Variants in TATDN2 observed in about 807,000 individuals in gnomAD.
TATDN2 encodes the protein 3'-5' RNA nuclease TATDN2.
In TATDN2, 44 loss-of-function variants were observed where a neutral mutation model predicts 60.3. That is an observed-to-expected ratio of 0.73 (90% CI 0.57 to 0.94). TATDN2 has a LOEUF of 0.94. Among genes scored for constraint, TATDN2 ranks in the 40% least tolerant of loss-of-function variants. The pLI is 0.00. For synonymous variants in TATDN2, 399 were observed against 355.8 expected (o/e 1.12, Z -1.37); for missense variants, 997 against 948.0 (o/e 1.05, Z -0.68).
intron 7 of TATDN2, 74 bp from the exon 8 acceptor site, chr3:10,279,147 G>C: frequency 7.7e-7 from 1 of 1,304,912 alleles, no homozygotes; most frequent in Non-Finnish European, 1.0e-6. Flanking sequence ...TATAAACATA[G>C]TATGAGCATT....
intron 5 of TATDN2, among the ~76,000 whole-genome samples, chr3:10,277,484 C>T (rs115313152): frequency 0.028 from 4,193 of 152,122 alleles, 100 homozygotes; most frequent in Non-Finnish European, 0.043. Context: ...GATGCCTGGC[C>T]GGCTCCTTAA....
At chr3:10,250,049 T>C (rs1289613059) in intron 2 of TATDN2, among the ~76,000 whole-genome samples, 1 of 152,156 alleles carries the variant, frequency 6.6e-6, no homozygotes, top group African/African-American at 2.4e-5. Flanking sequence ...GTTTAAAGAA[T>C]TGTGTGCCCT....
chr3:10,264,178 T>C (rs1311064066), intron 3 of TATDN2, among the ~76,000 whole-genome samples: 1 of 152,162 alleles, frequency 6.6e-6, no homozygotes, highest in Non-Finnish European at 1.5e-5. Context: ...GAAACCAGAT[T>C]TCACCCTGTC....
chr3:10,256,849 G>A (rs575675209), intron 2 of TATDN2, among the ~76,000 whole-genome samples: 4 of 151,898 alleles, frequency 2.6e-5, no homozygotes, highest in Admixed American at 6.6e-5. Context: ...GGCAAGCAGA[G>A]GAGATAAGAT....
intron 4 of TATDN2, among the ~76,000 whole-genome samples, chr3:10,272,726 T>C (rs1698584361): frequency 7.1e-6 from 1 of 141,602 alleles, no homozygotes; most frequent in African/African-American, 2.7e-5. Flanking sequence ...CCCGTCTCTA[T>C]TAAAAATACA....
At chr3:10,253,149 G>A (rs1006125741) in intron 2 of TATDN2, among the ~76,000 whole-genome samples, 1 of 151,212 alleles carries the variant, frequency 6.6e-6, no homozygotes, top group African/African-American at 2.4e-5. Context: ...GAACCACCGC[G>A]CCTGGCCTGC....
Position 10,270,304 on chromosome 3 carries a change from G to T in TATDN2, c.1122G>T (p.Leu374Phe). The part of the protein sequence containing the change: ...TTDYVMYPPH[L>F]YSSPWCDYAS... ...ACTATGTCATGTACCCTCCTCATTT[G>T]TACAGTAGTCCTTGGTGTGACTACG... Residue 374 changes from leucine to phenylalanine, a missense_variant, in exon 4 of 8, where the codon TTG (leucine) becomes TTT (phenylalanine). By Grantham distance (22) the Leu-to-Phe change is conservative. Transcript: ENST00000448281. 6.2e-7 allele frequency: 1 copy of T among 1,614,156 alleles called. No individual in the cohort carries two copies. Among genetic ancestry groups the T allele is most frequent in the Non-Finnish European group, 8.5e-7 (1 of 1,180,036 alleles).
At chr3:10,275,117 C>A (rs920176557) in intron 4 of TATDN2, among the ~76,000 whole-genome samples, 1 of 151,726 alleles carries the variant, frequency 6.6e-6, no homozygotes, top group African/African-American at 2.4e-5. Context: ...ACCCAAGTAG[C>A]TGGGATTATA....
At chr3:10,263,384 C>T (rs1332081455) in intron 3 of TATDN2, among the ~76,000 whole-genome samples, 3 of 152,070 alleles carry the variant, frequency 2.0e-5, no homozygotes, top group African/African-American at 7.2e-5. Context: ...TGTTTTCTTT[C>T]CGTATTTTTC....
At position 10,249,485 on chromosome 3, in the gene TATDN2, G is replaced by C. The variant is rs778357821; in HGVS notation, c.285G>C (p.Gly95=). The change falls in exon 2 of 8, where the codon GGG becomes GGC. Residue 95 remains glycine, a synonymous_variant. Transcript: ENST00000448281. ...ATTTCTTGGGCCCTGGTGTGGGCGG[G>C]GCCGCCTCCAAAGGCTGCCTGATTC... ...SPHFLGPGVG[G]AASKGCLIRN... is the part of the protein sequence containing the mutation. The C allele has an allele frequency of 1.5e-4, 237 of 1,613,308 alleles. No individual in the cohort carries two copies. Among genetic ancestry groups the C allele is most frequent in the Non-Finnish European group, 1.8e-4 (218 of 1,179,726 alleles).
At chr3:10,269,906 A>G (rs1026982681) in intron 3 of TATDN2, among the ~76,000 whole-genome samples, 1 of 152,170 alleles carries the variant, frequency 6.6e-6, no homozygotes, top group Non-Finnish European at 1.5e-5. Flanking sequence ...TCACAGGCCT[A>G]TTCCCTGAAC....
Position 10,274,301 on chromosome 3 carries a change from C to T in TATDN2, c.1834-2060C>T, listed in dbSNP as rs2287542. Among the ~76,000 whole-genome samples, 8 of 152,256 alleles carry T rather than the reference C, an allele frequency of 5.3e-5. No individual in the cohort carries two copies. In the East Asian group the frequency reaches 1.5e-3, roughly 29 times the overall value. On this transcript the variant is annotated intron_variant, in intron 4 of 7. Transcript: ENST00000448281. Reference sequence around the variant, plus strand: ...AATGTTATTGTTCCTTGGAAAATTGCAAGGTACAATACAATTGCAAGGAAC... The same window carrying T: ...AATGTTATTGTTCCTTGGAAAATTGTAAGGTACAATACAATTGCAAGGAAC...
intron 3 of TATDN2, among the ~76,000 whole-genome samples, chr3:10,262,761 C>G (rs977009969): frequency 1.3e-5 from 2 of 151,814 alleles, no homozygotes; most frequent in Non-Finnish European, 2.9e-5. Flanking sequence ...TCTCAAACTT[C>G]TGACCTGAGG....
At chr3:10,261,040 G>A (rs1228317952) in intron 3 of TATDN2, among the ~76,000 whole-genome samples, 1 of 152,182 alleles carries the variant, frequency 6.6e-6, no homozygotes, top group Non-Finnish European at 1.5e-5. Context: ...TCAACACAGT[G>A]TCCATCTCTT....
In TATDN2 at chr3:10,260,418, G is replaced by T; in HGVS notation, c.696G>T (p.Lys232Asn). Residue 232 changes from lysine to asparagine, a missense_variant, in exon 3 of 8, where the codon AAG (lysine) becomes AAT (asparagine). Transcript: ENST00000448281. ...EGPARSEGPA[K>N]TAEGAARSVT... ...CAGCCAGGAGTGAAGGACCAGCCAAGACTGCAGAAGGAGCAGCCAGGAGTG... is the reference window on the plus strand; with the variant it reads ...CAGCCAGGAGTGAAGGACCAGCCAATACTGCAGAAGGAGCAGCCAGGAGTG... 1 of 1,614,184 alleles carries T rather than the reference G, an allele frequency of 6.2e-7. No individual in the cohort carries two copies. The highest frequency in any genetic ancestry group is 8.5e-7 in the Non-Finnish European group (1 of 1,179,998).
intron 3 of TATDN2, among the ~76,000 whole-genome samples, chr3:10,264,019 G>A (rs1381962679): frequency 6.6e-6 from 1 of 152,154 alleles, no homozygotes; most frequent in Non-Finnish European, 1.5e-5. Flanking sequence ...GGCGGCGTCA[G>A]CATTCACTTA....
intron 5 of TATDN2, among the ~76,000 whole-genome samples, chr3:10,277,287 T>C (rs192599656): frequency 5.9e-4 from 90 of 152,368 alleles, no homozygotes; most frequent in African/African-American, 2.1e-3. Context: ...CTCTCTGAAC[T>C]TCTGAACTCT....
chr3:10,270,185 G>T lies in TATDN2; in HGVS notation c.1003G>T (p.Asp335Tyr). 6.2e-7 allele frequency: 1 copy of T among 1,614,060 alleles called. No individual in the cohort carries two copies. Among genetic ancestry groups the T allele is most frequent in the East Asian group, 2.2e-5 (1 of 44,872 alleles). ...CCCCTCTTCTGGAAGTGACTGGTCT[G>T]ATGTTGAGGAGATCTCCACAGTCAG... The part of the protein sequence containing the change: ...EHPSSGSDWS[D>Y]VEEISTVRFS... The change falls in exon 4 of 8, where the codon GAT becomes TAT. Residue 335 changes from aspartate to tyrosine, a missense_variant. By Grantham distance (160) the Asp-to-Tyr change is radical. Transcript: ENST00000448281.
At chr3:10,277,195 G>C (rs1223868255) in intron 5 of TATDN2, among the ~76,000 whole-genome samples, 1 of 152,166 alleles carries the variant, frequency 6.6e-6, no homozygotes, top group Non-Finnish European at 1.5e-5. Flanking sequence ...GAACTTGAAA[G>C]CTCCTTTCTC....
Sources: gnomAD v4.1 joint callset for allele counts (sites outside exome capture counted in the v4.1 genomes callset) on GRCh38, gnomAD v4.1.1 for gene constraint, MANE v1.5 for transcripts, NCBI Gene and HGNC (gene_info 2026-07-23, HGNC 2026-07-21) for gene names.